SCHIP1: variants seen among roughly 807,000 people sequenced by gnomAD.
SCHIP1 encodes schwannomin-interacting protein 1.
In SCHIP1, 8 loss-of-function variants were observed where a neutral mutation model predicts 29.7. The observed-to-expected ratio is 0.27, with a 90% CI of 0.16 to 0.49. The LOEUF is 0.49. SCHIP1 is among the 20% of genes least tolerant of loss of function. The pLI is 0.99. For missense variants in SCHIP1, 193 were observed against 294.6 expected, an observed-to-expected ratio of 0.66 and a Z score of 2.52; for synonymous variants, 76 against 94.9, an observed-to-expected ratio of 0.80 and a Z score of 1.16.
chr3:159,707,170 GTA>G, the SCHIP1 span, among the ~76,000 whole-genome samples: 1 of 152,194 alleles, frequency 6.6e-6, no homozygotes, highest in South Asian at 2.1e-4. Context: ...GGCTCTTTAA[GTA>G]TATGACTCTT....
At chr3:159,605,895 A>G in the SCHIP1 span, among the ~76,000 whole-genome samples, 1 of 152,134 alleles carries the variant, frequency 6.6e-6, no homozygotes. Context: ...AAAAACAATA[A>G]GAGTAATTCC....
the SCHIP1 span, among the ~76,000 whole-genome samples, chr3:159,312,055 AG>A: frequency 6.6e-6 from 1 of 152,210 alleles, no homozygotes; most frequent in Non-Finnish European, 1.5e-5. Context: ...TATAAGACAG[AG>A]TATTGTACAT....
At chr3:159,600,267 G>A in the SCHIP1 span, among the ~76,000 whole-genome samples, 2 of 152,162 alleles carry the variant, frequency 1.3e-5, no homozygotes, top group Non-Finnish European at 2.9e-5. Flanking sequence ...CTGACCAAAT[G>A]TAAGTTTTCA....
chr3:159,827,304 C>G, the SCHIP1 span, among the ~76,000 whole-genome samples: 1 of 152,100 alleles, frequency 6.6e-6, no homozygotes, highest in East Asian at 1.9e-4. Flanking sequence ...TTCATTATAA[C>G]TAATAGCAAT....
At chr3:159,405,965 T>A in the SCHIP1 span, among the ~76,000 whole-genome samples, 1 of 150,590 alleles carries the variant, frequency 6.6e-6, no homozygotes, top group African/African-American at 2.4e-5. Context: ...CTAAAAAATC[T>A]AGAAAATAGC....
At chr3:159,647,731 T>C in the SCHIP1 span, among the ~76,000 whole-genome samples, 81 of 152,298 alleles carry the variant, frequency 5.3e-4, no homozygotes, top group African/African-American at 1.8e-3. Context: ...TCATTTTCCT[T>C]CATCTTGTCT....
chr3:159,488,786 G>GTTC, the SCHIP1 span, among the ~76,000 whole-genome samples: 1 of 152,308 alleles, frequency 6.6e-6, no homozygotes, highest in African/African-American at 2.4e-5. Flanking sequence ...ACAACACTAT[G>GTTC]GAGAGGATAA....
At chr3:159,314,559 A>C in the SCHIP1 span, among the ~76,000 whole-genome samples, 1 of 152,156 alleles carries the variant, frequency 6.6e-6, no homozygotes, top group Non-Finnish European at 1.5e-5. Flanking sequence ...AAGATAGTTC[A>C]CCTTCTACCT....
Position 159,887,346 on chromosome 3 carries a change from G to A in SCHIP1, c.268-362G>A, listed in dbSNP as rs900156504. The A allele has an allele frequency of 1.8e-5, 4 of 228,074 alleles. 1 individual carries two copies. Among genetic ancestry groups the A allele is most frequent in the Admixed American group, 1.5e-4 (3 of 19,610 alleles). 14.1% of individuals were successfully genotyped at this position (228,074 alleles called of 1,614,324 possible). Reference sequence around the variant, plus strand: ...TGCAGTGCGACATCAGAACATCACTGGATACATGAGATCCTGTCCACGCAA... The same window carrying A: ...TGCAGTGCGACATCAGAACATCACTAGATACATGAGATCCTGTCCACGCAA... On this transcript the variant is annotated intron_variant, in intron 3 of 6. Coordinates refer to ENST00000445224, the Ensembl canonical transcript of SCHIP1.
chr3:159,850,546 A>C (rs1327545759), intron 1 of SCHIP1, among the ~76,000 whole-genome samples: 4 of 150,454 alleles, frequency 2.7e-5, no homozygotes, highest in Admixed American at 2.6e-4. Context: ...CCATCTCAAA[A>C]AAAAAAAAAA....
chr3:159,808,333 A>G, the SCHIP1 span: 1 of 152,170 alleles, frequency 6.6e-6, no homozygotes, highest in Non-Finnish European at 1.5e-5. Context: ...CCTCTACCTT[A>G]CTAACAGAAC....
chr3:159,383,421 T>C, the SCHIP1 span, among the ~76,000 whole-genome samples: 1 of 151,722 alleles, frequency 6.6e-6, no homozygotes, highest in Non-Finnish European at 1.5e-5. Context: ...TAGTTGTAGA[T>C]ATGCGGCGTT....
At chr3:159,755,034 G>C in the SCHIP1 span, among the ~76,000 whole-genome samples, 32 of 152,168 alleles carry the variant, frequency 2.1e-4, no homozygotes, top group Non-Finnish European at 3.8e-4. Flanking sequence ...AGGAGATCGA[G>C]ACCATCCTGG....
the SCHIP1 span, among the ~76,000 whole-genome samples, chr3:159,457,987 G>T: frequency 6.6e-6 from 1 of 152,116 alleles, no homozygotes; most frequent in African/African-American, 2.4e-5. Flanking sequence ...TTTAAAGAAT[G>T]TTGGCAAAAA....
chr3:159,376,550 T>C, the SCHIP1 span, among the ~76,000 whole-genome samples: 1 of 152,240 alleles, frequency 6.6e-6, no homozygotes. Flanking sequence ...ACTTCATATG[T>C]GTTCTTAACC....
At chr3:159,477,968 G>T in the SCHIP1 span, among the ~76,000 whole-genome samples, 14 of 145,024 alleles carry the variant, frequency 9.7e-5, no homozygotes, top group East Asian at 2.0e-4. Flanking sequence ...TGTCACCCAG[G>T]CTGGAGTGCA....
chr3:159,693,322 C>T, the SCHIP1 span, among the ~76,000 whole-genome samples: 5,173 of 152,114 alleles, frequency 0.034, 117 homozygotes, highest in Middle Eastern at 0.054. Flanking sequence ...TCTCTTTCTT[C>T]CAAGGATAAA....
At chr3:159,341,367 T>C in the SCHIP1 span, among the ~76,000 whole-genome samples, 14 of 152,292 alleles carry the variant, frequency 9.2e-5, no homozygotes, top group Admixed American at 7.9e-4. Context: ...GATTTGACTT[T>C]GGGCAAATAC....
chr3:159,738,765 G>A, the SCHIP1 span, among the ~76,000 whole-genome samples: 474 of 152,332 alleles, frequency 3.1e-3, 3 homozygotes, highest in African/African-American at 0.011. Context: ...GTGATAAAGC[G>A]TGTTCAGTGA....
Sources: gnomAD v4.1 joint callset for allele counts (sites outside exome capture counted in the v4.1 genomes callset) on GRCh38, gnomAD v4.1.1 for gene constraint, MANE v1.5 for transcripts, NCBI Gene and HGNC (gene_info 2026-07-23, HGNC 2026-07-21) for gene names.